Variants in ENPP1 observed in about 807,000 individuals in gnomAD.
ENPP1 encodes ectonucleotide pyrophosphatase/phosphodiesterase 1.
Under a neutral mutation model 122.8 loss-of-function variants are expected in ENPP1, and 73 were observed. The observed-to-expected ratio is 0.59, with a 90% CI of 0.49 to 0.72. ENPP1 has a LOEUF of 0.72. Ranked by LOEUF, ENPP1 falls within the 30% of genes least tolerant of loss-of-function variation. The probability of loss-of-function intolerance (pLI) is 0.00; values close to 1 mark genes in which losing one functional copy is unlikely to be tolerated. For synonymous variants in ENPP1, 367 were observed against 391.6 expected, an observed-to-expected ratio of 0.94 and a Z score of 0.74; for missense variants, 978 against 1,128.1, an observed-to-expected ratio of 0.87 and a Z score of 1.91.
chr6:131,849,947 T>C, intron 2 of ENPP1, 43 bp from the exon 3 acceptor site: 19 of 1,351,598 alleles, frequency 1.4e-5, no homozygotes, highest in Non-Finnish European at 2.0e-5. Flanking sequence ...CTTTGAATTA[T>C]ATAATGATTA....
chr6:131,832,344 T>G (rs1781624812), intron 1 of ENPP1, among the ~76,000 whole-genome samples: 1 of 152,180 alleles, frequency 6.6e-6, no homozygotes, highest in Non-Finnish European at 1.5e-5. Flanking sequence ...ATGCCTCCAT[T>G]GCACTATATG....
At position 131,849,866 on chromosome 6, in the gene ENPP1, C is replaced by G. The variant is rs114868782; in HGVS notation, c.314-124C>G. 1.5e-3 allele frequency: 1,093 copies of G among 744,932 alleles called. 16 individuals are homozygous for G. The African/African-American group carries it at 0.017, about 12-fold the overall frequency. 46.1% of individuals were successfully genotyped at this position (744,932 alleles called of 1,614,324 possible). On this transcript the variant is annotated intron_variant, in intron 2 of 24. Coordinates refer to ENST00000647893, the MANE Select transcript of ENPP1 (RefSeq NM_006208.3). ...AAAGATTTTTGCCTTACTTTATTAC[C>G]CCATCTGTATTTTCTAAAGTAGTAT...
In ENPP1 at chr6:131,885,020, TTTGA is replaced by T; in HGVS notation, c.2404_2407del (p.Asp802MetfsTer8). 6.2e-7 allele frequency: 1 copy of T among 1,614,070 alleles called. No individual in the cohort carries two copies. Among genetic ancestry groups the T allele is most frequent in the Non-Finnish European group, 8.5e-7 (1 of 1,179,954 alleles). On this transcript the variant is annotated frameshift_variant, in exon 23 of 25. Transcript: ENST00000647893. LOFTEE classifies it high-confidence loss of function. The stretch of plus-strand genomic sequence containing the variant: ...TGTCGTCAGTGGTCCTGTGTTTGAC[TTTGA>T]TTATGATGGACGTTGTGATTCCTTA...
rs775793071 is a variant in ENPP1, at chr6:131,890,321, T to C, written c.2608-20T>C. 1.2e-6 allele frequency: 2 copies of C among 1,608,424 alleles called. No homozygotes were observed. Among genetic ancestry groups the C allele is most frequent in the African/African-American group, 2.7e-5 (2 of 74,822 alleles). On this transcript the variant is annotated intron_variant, in intron 24 of 24. Transcript: ENST00000647893. Reference sequence around the variant, plus strand: ...AGTGTTCTCTTGGTAACTTTTCTTTTATATTTCCTATTCTCCTAGCATGGG... The same window carrying C: ...AGTGTTCTCTTGGTAACTTTTCTTTCATATTTCCTATTCTCCTAGCATGGG...
At chr6:131,817,274 G>A (rs1298702803) in intron 1 of ENPP1, among the ~76,000 whole-genome samples, 3 of 152,102 alleles carry the variant, frequency 2.0e-5, no homozygotes, top group African/African-American at 7.2e-5. Flanking sequence ...CCTGCTGTTG[G>A]GTTTCCAACT....
At chr6:131,816,105 A>G (rs1392582146) in intron 1 of ENPP1, among the ~76,000 whole-genome samples, 4 of 152,026 alleles carry the variant, frequency 2.6e-5, no homozygotes, top group East Asian at 1.9e-4. Flanking sequence ...TTCATATTCA[A>G]TTTTGCTCTC....
chr6:131,829,599 C>T (rs1781585661), intron 1 of ENPP1, among the ~76,000 whole-genome samples: 1 of 152,182 alleles, frequency 6.6e-6, no homozygotes, highest in African/African-American at 2.4e-5. Flanking sequence ...AAACAAAGCT[C>T]ATACTCAGTA....
chr6:131,874,438 G>C (rs1198659814), intron 16 of ENPP1, 101 bp downstream of exon 16: 2 of 704,508 alleles, frequency 2.8e-6, no homozygotes, highest in Non-Finnish European at 5.0e-6. Flanking sequence ...TCTTGAATGA[G>C]AATTAATGGA....
chr6:131,824,985 G>A (rs1044214770), intron 1 of ENPP1, among the ~76,000 whole-genome samples: 11 of 151,986 alleles, frequency 7.2e-5, no homozygotes, highest in Non-Finnish European at 2.9e-5. Context: ...GCTTGAACCC[G>A]GGAGGTGGAG....
intron 1 of ENPP1, chr6:131,826,732 G>A (rs1781550515): frequency 3.9e-6 from 2 of 516,448 alleles, no homozygotes; most frequent in Non-Finnish European, 7.1e-6. Flanking sequence ...GCAATGACTT[G>A]TGGGATCTGG....
intron 23 of ENPP1, among the ~76,000 whole-genome samples, chr6:131,885,699 A>G (rs1782368869): frequency 6.6e-6 from 1 of 152,192 alleles, no homozygotes; most frequent in South Asian, 2.1e-4. Context: ...ACTGAGATTC[A>G]GCCCCTCTCA....
chr6:131,852,601 A>G (rs1350886911), intron 5 of ENPP1, among the ~76,000 whole-genome samples: 1 of 152,150 alleles, frequency 6.6e-6, no homozygotes, highest in East Asian at 1.9e-4. Flanking sequence ...TGTGTTTGGC[A>G]ATGGTGGAAC....
At chr6:131,833,493 T>C (rs1781637697) in intron 1 of ENPP1, among the ~76,000 whole-genome samples, 2 of 152,224 alleles carry the variant, frequency 1.3e-5, no homozygotes, top group African/African-American at 4.8e-5. Flanking sequence ...TTTTTGGCTT[T>C]ACAGGAATTT....
chr6:131,874,283 G>A lies in ENPP1; in HGVS notation c.1581G>A (p.Arg527=), dbSNP rs1782199915. 1 of 1,592,662 alleles carries A rather than the reference G, an allele frequency of 6.3e-7. No homozygotes were observed. Among genetic ancestry groups the A allele is most frequent in the Non-Finnish European group, 8.6e-7 (1 of 1,161,512 alleles). ...QWQLALNPSE[R]KYCGSGFHGS... ...TCAACATTAGGAATCCCTCAGAAAG[G>A]AAATATTGTGGAAGTGGATTTCATG... The change falls in exon 16 of 25, where the codon AGG becomes AGA. Residue 527 remains arginine, a synonymous_variant. Coordinates refer to ENST00000647893, the MANE Select transcript of ENPP1 (RefSeq NM_006208.3).
chr6:131,826,414 T>C (rs1781546778), intron 1 of ENPP1: 1 of 917,908 alleles, frequency 1.1e-6, no homozygotes, highest in Non-Finnish European at 1.8e-6. Flanking sequence ...CCAAAAGAGC[T>C]GCTCTAGGTT....
chr6:131,854,925 G>C lies in ENPP1; in HGVS notation c.618-1G>C, dbSNP rs1781926450. ...ATTTTTTTTTCTTTTTCATTACCCAGGTTTGAAACGCCTCCTACCCTCTTA... is the reference window on the plus strand; with the variant it reads ...ATTTTTTTTTCTTTTTCATTACCCACGTTTGAAACGCCTCCTACCCTCTTA... On this transcript the variant is annotated splice_acceptor_variant, in intron 5 of 24. Coordinates refer to ENST00000647893, the MANE Select transcript of ENPP1 (RefSeq NM_006208.3). LOFTEE classifies it high-confidence loss of function. 1 of 1,609,634 alleles carries C rather than the reference G, an allele frequency of 6.2e-7. No homozygotes were observed.
intron 1 of ENPP1, among the ~76,000 whole-genome samples, chr6:131,830,781 A>G (rs1781600687): frequency 6.6e-6 from 1 of 152,092 alleles, no homozygotes. Flanking sequence ...ATATATGTAT[A>G]TGGGTTTGAG....
intron 1 of ENPP1, among the ~76,000 whole-genome samples, chr6:131,815,923 G>A (rs1228794387): frequency 1.6e-5 from 2 of 123,986 alleles, no homozygotes; most frequent in Non-Finnish European, 3.2e-5. Flanking sequence ...GTTTTGCCAT[G>A]TTGGCCAGGC....
intron 8 of ENPP1, 59 bp from the exon 9 acceptor site, chr6:131,861,536 C>A: frequency 1.8e-6 from 2 of 1,109,724 alleles, no homozygotes; most frequent in Non-Finnish European, 2.8e-6. Context: ...TGAATACATA[C>A]TTTCCTAAGA....
Sources: gnomAD v4.1 joint callset for allele counts (sites outside exome capture counted in the v4.1 genomes callset) on GRCh38, gnomAD v4.1.1 for gene constraint, MANE v1.5 for transcripts, NCBI Gene and HGNC (gene_info 2026-07-23, HGNC 2026-07-21) for gene names.